Variants in RANBP9 observed in about 807,000 individuals in gnomAD.
RANBP9 encodes ran-binding protein 9.
In RANBP9, 15 loss-of-function variants were observed where a neutral mutation model predicts 84.3. The observed-to-expected ratio is 0.18, with a 90% CI of 0.12 to 0.27. The LOEUF (loss-of-function observed/expected upper bound fraction) is 0.27. Ranked by LOEUF, RANBP9 falls within the 10% of genes least tolerant of loss-of-function variation. The pLI is 1.00. For missense variants in RANBP9, 809 were observed against 912.8 expected (o/e 0.89, Z 1.46); for synonymous variants, 392 against 349.6 (o/e 1.12, Z -1.35).
chr6:13,659,756 A>ATTCTTAT (rs1317213243), intron 2 of RANBP9, among the ~76,000 whole-genome samples: 1 of 152,216 alleles, frequency 6.6e-6, no homozygotes, highest in African/African-American at 2.4e-5. Flanking sequence ...AAAGGAAATT[A>ATTCTTAT]TTTAACTATG....
intron 1 of RANBP9, among the ~76,000 whole-genome samples, chr6:13,703,914 T>C (rs1325033436): frequency 6.6e-6 from 1 of 152,198 alleles, no homozygotes; most frequent in Admixed American, 6.6e-5. Flanking sequence ...TATCTCCAAC[T>C]ATACTGTAAT....
At chr6:13,697,803 T>A (rs974161786) in intron 1 of RANBP9, among the ~76,000 whole-genome samples, 3 of 152,178 alleles carry the variant, frequency 2.0e-5, no homozygotes, top group Admixed American at 6.5e-5. Flanking sequence ...AGTCTCCATA[T>A]CCCCAAAAGG....
chr6:13,649,961 G>C lies in RANBP9; in HGVS notation c.927+2698C>G, dbSNP rs549350923. Among the ~76,000 whole-genome samples the C allele has an allele frequency of 3.3e-5, 5 of 151,858 alleles. No homozygotes were observed. In the East Asian group the frequency reaches 9.7e-4, roughly 29 times the overall value. On this transcript the variant is annotated intron_variant, in intron 5 of 13. Coordinates refer to ENST00000011619, the MANE Select transcript of RANBP9 (RefSeq NM_005493.3). ...ATCCAATCCATTAGCCAATTCTCTT[G>C]GTTTTCAGTTGGATTTTTAAAAGAA...
intron 4 of RANBP9, among the ~76,000 whole-genome samples, chr6:13,655,290 G>A (rs1211000125): frequency 6.6e-6 from 1 of 152,098 alleles, no homozygotes; most frequent in Non-Finnish European, 1.5e-5. Context: ...TAGACAACAT[G>A]GTGAAACCCC....
chr6:13,623,891 TTAAA>T, intron 13 of RANBP9, among the ~76,000 whole-genome samples: 1 of 152,290 alleles, frequency 6.6e-6, no homozygotes, highest in African/African-American at 2.4e-5. Flanking sequence ...TGCTCAACAA[TTAAA>T]TTCCCTTGAA....
chr6:13,680,020 A>C (rs1765991486), intron 2 of RANBP9, among the ~76,000 whole-genome samples: 1 of 152,206 alleles, frequency 6.6e-6, no homozygotes, highest in African/African-American at 2.4e-5. Context: ...ACAAAGTAAA[A>C]GACCCCACAA....
At chr6:13,667,138 T>A (rs770931377) in intron 2 of RANBP9, among the ~76,000 whole-genome samples, 1 of 152,188 alleles carries the variant, frequency 6.6e-6, no homozygotes, top group Non-Finnish European at 1.5e-5. Context: ...TATGTCAACG[T>A]AGATCATCAC....
At position 13,685,837 on chromosome 6, in the gene RANBP9, G is replaced by A. The variant is rs188079202; in HGVS notation, c.683+10948C>T. ...CAGCTAATGGGAGGGAGGCTGAGGT[G>A]GGAGAATTGCTTGAACCTGGGAAGC... On this transcript the variant is annotated intron_variant, in intron 2 of 13. Transcript: ENST00000011619. 3.3e-4 allele frequency among the ~76,000 whole-genome samples: 50 copies of A among 151,384 alleles called. No individual in the cohort carries two copies. In the East Asian group the frequency reaches 7.8e-3, roughly 24 times the overall value.
At chr6:13,680,851 T>C (rs1279883670) in intron 2 of RANBP9, among the ~76,000 whole-genome samples, 1 of 151,084 alleles carries the variant, frequency 6.6e-6, no homozygotes, top group Non-Finnish European at 1.5e-5. Context: ...CACAAGCAAA[T>C]AGTTTGAACC....
chr6:13,639,665 G>C lies in RANBP9; in HGVS notation c.1423C>G (p.Pro475Ala), dbSNP rs1765017792. 1 of 1,612,998 alleles carries C rather than the reference G, an allele frequency of 6.2e-7. No homozygotes were observed. Among genetic ancestry groups the C allele is most frequent in the Admixed American group, 1.7e-5 (1 of 60,000 alleles). Residue 475 changes from proline to alanine, a missense_variant, in exon 9 of 14, where the codon CCT becomes GCT. This residue lies in a region of RANBP9 where 216 missense variants were observed against 329.0 expected (regional missense o/e 0.66). Transcript: ENST00000011619. ...CTACTAAAAGGTCGAGGACTAACAGGATAACTGTCTTGAGACTTTGGACTT... is the reference window on the plus strand; with the variant it reads ...CTACTAAAAGGTCGAGGACTAACAGCATAACTGTCTTGAGACTTTGGACTT... The part of the protein sequence containing the change: ...GRSPKSQDSY[P>A]VSPRPFSSPS...
intron 13 of RANBP9, among the ~76,000 whole-genome samples, chr6:13,623,395 T>C (rs1764512532): frequency 6.6e-6 from 1 of 152,128 alleles, no homozygotes; most frequent in African/African-American, 2.4e-5. Context: ...GGATGCAATT[T>C]GATGGTGGAA....
intron 1 of RANBP9, among the ~76,000 whole-genome samples, chr6:13,701,911 C>A (rs182762193): frequency 1.3e-5 from 2 of 152,300 alleles, no homozygotes; most frequent in Non-Finnish European, 2.9e-5. Flanking sequence ...AGTCTGTACT[C>A]TCCTCTCCAA....
At chr6:13,678,840 CA>C (rs1209181783) in intron 2 of RANBP9, among the ~76,000 whole-genome samples, 1 of 152,064 alleles carries the variant, frequency 6.6e-6, no homozygotes, top group African/African-American at 2.4e-5. Context: ...TGCAGCTACC[CA>C]GACTTTACCA....
intron 1 of RANBP9, among the ~76,000 whole-genome samples, chr6:13,709,996 T>C (rs1048967963): frequency 1.3e-5 from 2 of 152,222 alleles, no homozygotes; most frequent in Non-Finnish European, 2.9e-5. Flanking sequence ...AGGTTGATTT[T>C]TTTTTCTTCC....
chr6:13,641,503 G>A (rs1765062221), intron 7 of RANBP9, among the ~76,000 whole-genome samples, 196 bp from the exon 8 acceptor site: 2 of 148,218 alleles, frequency 1.3e-5, no homozygotes, highest in African/African-American at 5.1e-5. Context: ...AGAAAAACAA[G>A]TACGGTCACA....
chr6:13,676,232 TC>T (rs1267543755), intron 2 of RANBP9, among the ~76,000 whole-genome samples: 79 of 152,156 alleles, frequency 5.2e-4, no homozygotes, highest in African/African-American at 1.8e-3. Context: ...TTATCTGCAT[TC>T]ATTATTTTTT....
At chr6:13,650,173 T>G (rs182739946) in intron 5 of RANBP9, among the ~76,000 whole-genome samples, 11 of 151,392 alleles carry the variant, frequency 7.3e-5, no homozygotes, top group Admixed American at 5.3e-4. Flanking sequence ...TTTGTTTTTT[T>G]TTTTTTTAGT....
chr6:13,676,467 C>A (rs766077855), intron 2 of RANBP9, among the ~76,000 whole-genome samples: 1 of 151,968 alleles, frequency 6.6e-6, no homozygotes, highest in Non-Finnish European at 1.5e-5. Context: ...TCTAGCATTA[C>A]CCTAATGCCA....
At chr6:13,660,327 T>G (rs1409234891) in intron 2 of RANBP9, among the ~76,000 whole-genome samples, 1 of 151,824 alleles carries the variant, frequency 6.6e-6, no homozygotes, top group Non-Finnish European at 1.5e-5. Context: ...TGGGCAACAT[T>G]GGGAAACCTT....
Sources: gnomAD v4.1 joint callset for allele counts (sites outside exome capture counted in the v4.1 genomes callset) on GRCh38, gnomAD v4.1.1 for gene constraint, gnomAD v4.1.1 regional missense constraint, MANE v1.5 for transcripts, NCBI Gene and HGNC (gene_info 2026-07-23, HGNC 2026-07-21) for gene names.